The following SDK1 variants were observed in gnomAD, a reference collection of about 807,000 sequenced individuals.
SDK1 encodes sidekick cell adhesion molecule 1, also known as protein sidekick-1.
A neutral mutation model predicts 245.5 loss-of-function variants in SDK1; 157 were observed. That is an observed-to-expected ratio of 0.64 (90% confidence interval 0.56 to 0.73). SDK1 has a LOEUF of 0.73. Among genes scored for constraint, SDK1 ranks in the 30% least tolerant of loss-of-function variants. SDK1 has a pLI of 0.00. For synonymous variants in SDK1, 1,647 were observed against 1,278.5 expected (o/e 1.29, Z -6.15); for missense variants, 3,583 against 3,002.3 (o/e 1.19, Z -4.52).
At chr7:3,680,149 A>G (rs999154009) in intron 4 of SDK1, among the ~76,000 whole-genome samples, 1 of 152,216 alleles carries the variant, frequency 6.6e-6, no homozygotes, top group Non-Finnish European at 1.5e-5. Context: ...ACTTGGCTGG[A>G]TCTCAGGGGC....
intron 1 of SDK1, among the ~76,000 whole-genome samples, chr7:3,527,651 G>C (rs887125251): frequency 1.3e-5 from 2 of 150,764 alleles, no homozygotes; most frequent in Admixed American, 1.3e-4. Context: ...GGTGGGAGGT[G>C]AGGTTGGAGG....
intron 4 of SDK1, among the ~76,000 whole-genome samples, chr7:3,677,904 T>C (rs533369954): frequency 6.6e-6 from 1 of 152,292 alleles, no homozygotes; most frequent in East Asian, 1.9e-4. Context: ...GATCAGAGGC[T>C]GATGTCCAGA....
intron 4 of SDK1, among the ~76,000 whole-genome samples, chr7:3,735,748 C>T (rs776804129): frequency 9.2e-5 from 14 of 152,130 alleles, no homozygotes; most frequent in Admixed American, 5.9e-4. Context: ...TACTGTTTTC[C>T]GTAGTGGCTG....
rs1562902193 is a variant in SDK1 at position 4,158,609 on chromosome 7, C to T, written c.4729+58C>T. 6 of 1,276,842 alleles carry T rather than the reference C, an allele frequency of 4.7e-6. No homozygotes were observed. In the East Asian group the frequency reaches 1.4e-4, roughly 30 times the overall value. The allele number at this position is 1,276,842 out of a possible 1,614,324, so 79.1% of individuals were successfully genotyped here. A position where few individuals can be genotyped will look rare whatever the true frequency, so the allele number is the denominator to read the frequency against. ...GCCGCTGCCCCTGGAGCCCGAGATA[C>T]TTAGGCCACACTTTCGTCTTGAGCC... is the stretch of plus-strand genomic sequence containing the variant. On this transcript the variant is annotated intron_variant, in intron 31 of 44. Coordinates refer to ENST00000404826, the MANE Select transcript of SDK1 (RefSeq NM_152744.4).
In SDK1 at chr7:4,267,146, G is replaced by A. The variant is rs1006817405; in HGVS notation, c.*1762G>A. On this transcript the variant is annotated 3_prime_UTR_variant, in exon 45 of 45. Coordinates refer to ENST00000404826, the MANE Select transcript of SDK1 (RefSeq NM_152744.4). ...CCCCTTTTCAGTCTTTCCAAAATTA[G>A]AGGGTATGGCAAGTTTCCTTTTTTC... 1 of 985,182 alleles carries A rather than the reference G, an allele frequency of 1.0e-6. No homozygotes were observed. The highest frequency in any genetic ancestry group is 1.7e-5 in the African/African-American group (1 of 57,182). 61.0% of individuals were successfully genotyped at this position (985,182 alleles called of 1,614,324 possible).
Position 4,210,125 on chromosome 7 carries a change from C to T in SDK1, c.5502C>T (p.Gly1834=), listed in dbSNP as rs1584453320. 1 of 1,606,182 alleles carries T rather than the reference C, an allele frequency of 6.2e-7. No homozygotes were observed. Among genetic ancestry groups the T allele is most frequent in the Non-Finnish European group, 8.5e-7 (1 of 1,177,004 alleles). ...EPAAANGILQ[G]YRVVYEPLAP... Reference sequence around the variant, plus strand: ...CGGCGGCCAACGGCATCCTGCAGGGCTATCGGGTGGTGTACGAGCCCTTGG... The same window carrying T: ...CGGCGGCCAACGGCATCCTGCAGGGTTATCGGGTGGTGTACGAGCCCTTGG... The change falls in exon 38 of 45, where the codon GGC becomes GGT. Residue 1834 remains glycine, a synonymous_variant. Coordinates refer to ENST00000404826, the MANE Select transcript of SDK1 (RefSeq NM_152744.4).
At chr7:4,025,277 G>A (rs1015233129) in intron 17 of SDK1, among the ~76,000 whole-genome samples, 5 of 152,204 alleles carry the variant, frequency 3.3e-5, no homozygotes, top group Non-Finnish European at 7.3e-5. Flanking sequence ...TTCGGAAAAA[G>A]CTTCCGCCGA....
chr7:3,764,688 T>TA (rs1432123835), intron 4 of SDK1, among the ~76,000 whole-genome samples: 1 of 150,358 alleles, frequency 6.7e-6, no homozygotes, highest in East Asian at 2.0e-4. Flanking sequence ...TCTCAAAAAA[T>TA]AAAAAAATCT....
chr7:3,358,694 T>C (rs1780873772), intron 1 of SDK1, among the ~76,000 whole-genome samples: 1 of 152,208 alleles, frequency 6.6e-6, no homozygotes, highest in Non-Finnish European at 1.5e-5. Flanking sequence ...GATACTGATC[T>C]TGAGAATGAA....
At chr7:4,143,439 G>A (rs1300685084) in intron 28 of SDK1, among the ~76,000 whole-genome samples, 1 of 152,136 alleles carries the variant, frequency 6.6e-6, no homozygotes, top group African/African-American at 2.4e-5. Flanking sequence ...TTACCACCGT[G>A]AGCCCCCAGA....
intron 30 of SDK1, among the ~76,000 whole-genome samples, chr7:4,155,049 G>A (rs1415930954): frequency 6.6e-6 from 1 of 151,884 alleles, no homozygotes; most frequent in Non-Finnish European, 1.5e-5. Context: ...AGGCAGGTTG[G>A]GGTGAGTGCA....
chr7:3,696,356 C>T (rs964224687), intron 4 of SDK1, among the ~76,000 whole-genome samples: 1 of 152,060 alleles, frequency 6.6e-6, no homozygotes, highest in East Asian at 1.9e-4. Flanking sequence ...TGTGCCCTGA[C>T]GTCCAAGGGA....
chr7:3,309,184 G>C (rs1385265466), intron 1 of SDK1, among the ~76,000 whole-genome samples: 1 of 152,084 alleles, frequency 6.6e-6, no homozygotes, highest in Non-Finnish European at 1.5e-5. Context: ...TGTTTTCAAA[G>C]TGAAGGTCAG....
At position 4,268,741 on chromosome 7, in the gene SDK1, G is replaced by A. The variant is rs781601950; in HGVS notation, c.*3357G>A. ...TAAGTGTGGCTCCCCGTGGGTCAGC[G>A]TCCTGGTAGCATGGATCCAGTCTGA... On this transcript the variant is annotated 3_prime_UTR_variant, in exon 45 of 45. Coordinates refer to ENST00000404826, the MANE Select transcript of SDK1 (RefSeq NM_152744.4). The A allele has an allele frequency of 2.0e-5, 27 of 1,367,698 alleles. No homozygotes were observed. In the East Asian group the frequency reaches 5.0e-4, roughly 25 times the overall value. The allele number at this position is 1,367,698 out of a possible 1,614,324, so 84.7% of individuals were successfully genotyped here. A position where few individuals can be genotyped will look rare whatever the true frequency, so the allele number is the denominator to read the frequency against.
In SDK1 at chr7:3,467,315, A is replaced by T. The variant is rs116380853; in HGVS notation, c.299-151765A>T. 9.3e-3 allele frequency among the ~76,000 whole-genome samples: 1,409 copies of T among 152,200 alleles called. 22 individuals carry two copies. Among genetic ancestry groups the T allele is most frequent in the African/African-American group, 0.032 (1,331 of 41,554 alleles). On this transcript the variant is annotated intron_variant, in intron 1 of 44. Transcript: ENST00000404826. The stretch of plus-strand genomic sequence containing the variant: ...TAAATGCCACTTATGTTTCTCTAAA[A>T]AAAAGGAAACTACTTTTATTCATGT...
At chr7:4,159,221 G>C (rs925681393) in intron 31 of SDK1, among the ~76,000 whole-genome samples, 1 of 152,152 alleles carries the variant, frequency 6.6e-6, no homozygotes, top group Non-Finnish European at 1.5e-5. Context: ...TCCATTTAAC[G>C]CTCCAGTGGA....
intron 40 of SDK1, among the ~76,000 whole-genome samples, chr7:4,232,409 TTC>T (rs1320464782): frequency 0.04 from 4,841 of 121,992 alleles, 135 homozygotes; most frequent in East Asian, 0.067. Flanking sequence ...TTTCTTTTCT[TTC>T]TTTTTTTTTT....
At chr7:4,175,541 G>T (rs115750216) in intron 33 of SDK1, among the ~76,000 whole-genome samples, 1 of 152,228 alleles carries the variant, frequency 6.6e-6, no homozygotes, top group Non-Finnish European at 1.5e-5. Context: ...AGCACACCCC[G>T]CCTGTCCGGG....
intron 1 of SDK1, among the ~76,000 whole-genome samples, chr7:3,433,125 A>T (rs10228151): frequency 6.6e-6 from 1 of 152,020 alleles, no homozygotes; most frequent in African/African-American, 2.4e-5. Flanking sequence ...CAAGTTGACC[A>T]GTGGATTCTA....
Sources: gnomAD v4.1 joint callset for allele counts (sites outside exome capture counted in the v4.1 genomes callset) on GRCh38, gnomAD v4.1.1 for gene constraint, MANE v1.5 for transcripts, NCBI Gene and HGNC (gene_info 2026-07-23, HGNC 2026-07-21) for gene names.